The following NEO1 variants were observed in gnomAD, a reference collection of about 807,000 sequenced individuals.
NEO1 encodes the protein neogenin 1, also known as neogenin.
A neutral mutation model predicts 159.7 loss-of-function variants in NEO1; 63 were observed. That is an observed-to-expected ratio of 0.39 (90% CI 0.32 to 0.49). The LOEUF is 0.49. NEO1 is among the 20% of genes least tolerant of loss of function. NEO1 has a pLI of 0.85. For missense variants in NEO1, 1,615 were observed against 1,831.0 expected (o/e 0.88, Z 2.15); for synonymous variants, 633 against 662.0 (o/e 0.96, Z 0.67).
intron 1 of NEO1, among the ~76,000 whole-genome samples, chr15:73,115,182 A>G (rs986464708): frequency 2.8e-4 from 42 of 152,144 alleles, no homozygotes; most frequent in Admixed American, 5.9e-4. Context: ...AGCTGGGACT[A>G]CAGGCATGTG....
intron 1 of NEO1, among the ~76,000 whole-genome samples, chr15:73,106,004 T>A (rs1041311649): frequency 3.3e-5 from 5 of 152,204 alleles, no homozygotes; most frequent in African/African-American, 1.2e-4. Flanking sequence ...CAGTAATGAA[T>A]CAGTTATTAC....
chr15:73,114,459 AC>A (rs1596026541), intron 1 of NEO1, among the ~76,000 whole-genome samples: 2 of 152,324 alleles, frequency 1.3e-5, no homozygotes, highest in South Asian at 2.1e-4. Context: ...TATTTAAGTA[AC>A]TTTTTGTAAA....
chr15:73,120,644 T>A lies in NEO1; in HGVS notation c.449-1881T>A, dbSNP rs528448830. 4.6e-5 allele frequency among the ~76,000 whole-genome samples: 7 copies of A among 151,590 alleles called. No homozygotes were observed. In the East Asian group the frequency reaches 5.8e-4, roughly 12 times the overall value. On this transcript the variant is annotated intron_variant, in intron 2 of 28. Transcript: ENST00000261908. ...TTATTTTAAGTACTTTTTTTTTTTT[T>A]AACAATCCTGTGAGGCCTGTTATTC...
chr15:73,190,541 G>A (rs1238695980), intron 7 of NEO1, among the ~76,000 whole-genome samples: 1 of 152,084 alleles, frequency 6.6e-6, no homozygotes, highest in Non-Finnish European at 1.5e-5. Flanking sequence ...TCTGAGGTTA[G>A]CATTGAATAA....
chr15:73,229,199 T>A lies in NEO1; in HGVS notation c.1292-7148T>A, dbSNP rs551764130. 2.2e-4 allele frequency among the ~76,000 whole-genome samples: 34 copies of A among 152,204 alleles called. No individual in the cohort carries two copies. In the Middle Eastern group the frequency reaches 0.01, roughly 46 times the overall value. Reference sequence around the variant, plus strand: ...GATCTTCTTTAATTTCTCTCTGCAATGTGTTGTAATTTTTTCTTTGTACCA... The same window carrying A: ...GATCTTCTTTAATTTCTCTCTGCAAAGTGTTGTAATTTTTTCTTTGTACCA... On this transcript the variant is annotated intron_variant, in intron 7 of 28. Coordinates refer to ENST00000261908, the MANE Select transcript of NEO1 (RefSeq NM_002499.4).
At chr15:73,121,766 T>C (rs977481669) in intron 2 of NEO1, among the ~76,000 whole-genome samples, 2 of 152,164 alleles carry the variant, frequency 1.3e-5, no homozygotes, top group Non-Finnish European at 2.9e-5. Context: ...TGGGTTATAA[T>C]GCATGTTAAT....
chr15:73,284,526 A>G (rs1195526382), intron 23 of NEO1, among the ~76,000 whole-genome samples: 1 of 152,000 alleles, frequency 6.6e-6, no homozygotes, highest in South Asian at 2.1e-4. Flanking sequence ...TTTTCCAAGA[A>G]AAATGGAGGC....
chr15:73,207,534 T>C (rs1039924879), intron 7 of NEO1, among the ~76,000 whole-genome samples: 1 of 152,326 alleles, frequency 6.6e-6, no homozygotes, highest in South Asian at 2.1e-4. Flanking sequence ...CTCTGGGCAA[T>C]ATTCCAGCAG....
At chr15:73,086,154 G>T (rs1054503481) in intron 1 of NEO1, among the ~76,000 whole-genome samples, 1 of 152,150 alleles carries the variant, frequency 6.6e-6, no homozygotes, top group African/African-American at 2.4e-5. Flanking sequence ...TGGATATCCA[G>T]TTGTTCCAAC....
Position 73,142,254 on chromosome 15 carries a change from C to T in NEO1, c.1015+6227C>T, listed in dbSNP as rs972649084. Among the ~76,000 whole-genome samples, 137 of 152,164 alleles carry T rather than the reference C, an allele frequency of 9.0e-4. 1 individual carries two copies. The highest frequency in any genetic ancestry group is 3.2e-3 in the African/African-American group (132 of 41,492). ...GACTGAAGAAGGAAAAGCCAGGAAA[C>T]GTTGAGATCAGCAGAGAGAGTCAAG... On this transcript the variant is annotated intron_variant, in intron 5 of 28. Coordinates refer to ENST00000261908, the MANE Select transcript of NEO1 (RefSeq NM_002499.4).
At chr15:73,117,834 C>T (rs928150986) in intron 2 of NEO1, among the ~76,000 whole-genome samples, 10 of 152,054 alleles carry the variant, frequency 6.6e-5, no homozygotes, top group Non-Finnish European at 1.3e-4. Context: ...AAAAATGGGT[C>T]CTTTTGCCAA....
At chr15:73,246,481 A>G (rs915879420) in intron 9 of NEO1, among the ~76,000 whole-genome samples, 1 of 152,236 alleles carries the variant, frequency 6.6e-6, no homozygotes, top group African/African-American at 2.4e-5. Context: ...GGCATCATTC[A>G]TGAGAGATAC....
intron 7 of NEO1, among the ~76,000 whole-genome samples, chr15:73,195,647 A>G (rs934085613): frequency 6.6e-6 from 1 of 152,196 alleles, no homozygotes; most frequent in Non-Finnish European, 1.5e-5. Flanking sequence ...ATTTACCACC[A>G]GAATTATTGC....
chr15:73,076,544 C>T (rs1287874330), intron 1 of NEO1, among the ~76,000 whole-genome samples: 1 of 152,122 alleles, frequency 6.6e-6, no homozygotes, highest in Non-Finnish European at 1.5e-5. Context: ...AAGGTACTGA[C>T]AGTAAGCATG....
At position 73,302,708 on chromosome 15, in the gene NEO1, A is replaced by G. The variant is rs1392716579; in HGVS notation, c.*12A>G. 2 of 1,612,574 alleles carry G rather than the reference A, an allele frequency of 1.2e-6. No homozygotes were observed. The highest frequency in any genetic ancestry group is 1.7e-5 in the Admixed American group (1 of 59,910). On this transcript the variant is annotated 3_prime_UTR_variant, in exon 29 of 29. Transcript: ENST00000261908. ...TCACAACAGCATGACGACCTTCACC[A>G]GGACCTGACTTCAAACCTGAGTCTG...
At chr15:73,177,150 G>A (rs2035324712) in intron 6 of NEO1, among the ~76,000 whole-genome samples, 1 of 152,018 alleles carries the variant, frequency 6.6e-6, no homozygotes, top group African/African-American at 2.4e-5. Context: ...AGAATACTCA[G>A]CCATAATTGC....
intron 1 of NEO1, among the ~76,000 whole-genome samples, chr15:73,061,936 T>G (rs1288135502): frequency 6.6e-6 from 1 of 152,236 alleles, no homozygotes; most frequent in African/African-American, 2.4e-5. Flanking sequence ...TTAACCAATT[T>G]CTTTTTGATG....
At chr15:73,176,337 G>A in intron 5 of NEO1, 66 bp from the exon 6 acceptor site, 1 of 1,085,088 alleles carries the variant, frequency 9.2e-7, no homozygotes. Flanking sequence ...TTAAAAATTG[G>A]TTGAAATATG....
intron 5 of NEO1, among the ~76,000 whole-genome samples, chr15:73,143,879 A>G (rs895779329): frequency 6.6e-6 from 1 of 152,150 alleles, no homozygotes; most frequent in Admixed American, 6.5e-5. Flanking sequence ...TTCTCTTTTT[A>G]CCAGTAGTAT....
Sources: gnomAD v4.1 joint callset for allele counts (sites outside exome capture counted in the v4.1 genomes callset) on GRCh38, gnomAD v4.1.1 for gene constraint, MANE v1.5 for transcripts, NCBI Gene and HGNC (gene_info 2026-07-23, HGNC 2026-07-21) for gene names.